SH3BP4: variants seen among roughly 807,000 people sequenced by gnomAD.
SH3BP4 encodes the protein SH3 domain binding protein 4.
SH3BP4 carries 33 observed loss-of-function variants against 65.5 expected under a neutral mutation model. That is an observed-to-expected ratio of 0.50 (90% CI 0.38 to 0.67). The LOEUF (loss-of-function observed/expected upper bound fraction) is 0.67. SH3BP4 is among the 30% of genes least tolerant of loss of function. The pLI is 0.00. For missense variants in SH3BP4, 1,134 were observed against 1,261.4 expected (o/e 0.90, Z 1.53); for synonymous variants, 552 against 545.5 (o/e 1.01, Z -0.17).
At chr2:235,051,357 C>T (rs923040872) in intron 4 of SH3BP4, among the ~76,000 whole-genome samples, 2 of 152,190 alleles carry the variant, frequency 1.3e-5, no homozygotes, top group African/African-American at 4.8e-5. Flanking sequence ...TGACCCCAGC[C>T]TGGGGTCCCC....
intron 3 of SH3BP4, among the ~76,000 whole-genome samples, chr2:235,036,740 A>AAAAAATAATAATAATAATAAT (rs146049108): frequency 2.4e-3 from 336 of 141,772 alleles, no homozygotes; most frequent in Non-Finnish European, 4.2e-3. Flanking sequence ...TCTATATAAA[A>AAAAAATAATAATAATAATAAT]AATAATAATA....
Position 235,038,769 on chromosome 2 carries a change from T to C in SH3BP4, c.119-2119T>C, listed in dbSNP as rs1695541732. On this transcript the variant is annotated intron_variant, in intron 3 of 5. Transcript: ENST00000392011. ...TCCCACTTGAGGGTCTATGACCTGC[T>C]TCAGGGGGCAGGCAGGGAGTCCTGC... is the stretch of plus-strand genomic sequence containing the variant. Among the ~76,000 whole-genome samples, 5 of 152,146 alleles carry C rather than the reference T, an allele frequency of 3.3e-5. No individual in the cohort carries two copies. In the South Asian group the frequency reaches 1.0e-3, roughly 32 times the overall value.
intron 2 of SH3BP4, among the ~76,000 whole-genome samples, chr2:234,999,064 C>G (rs1178975709): frequency 6.6e-6 from 1 of 152,204 alleles, no homozygotes; most frequent in Non-Finnish European, 1.5e-5. Context: ...TCCGCAGGGC[C>G]TCAGTGAATA....
rs568712228 is a variant in SH3BP4, at chr2:235,001,921, C to T, written c.-133+6545C>T. 5.9e-5 allele frequency among the ~76,000 whole-genome samples: 9 copies of T among 152,192 alleles called. No individual in the cohort carries two copies. The South Asian group carries it at 8.3e-4, about 14-fold the overall frequency. On this transcript the variant is annotated intron_variant, in intron 2 of 5. Transcript: ENST00000392011. Reference sequence around the variant, plus strand: ...TGTTGTCCAGGCTGGAGTGCGGTGGCGCAATCTCACCTCACTGCAACCTCC... The same window carrying T: ...TGTTGTCCAGGCTGGAGTGCGGTGGTGCAATCTCACCTCACTGCAACCTCC...
intron 1 of SH3BP4, among the ~76,000 whole-genome samples, chr2:234,963,093 A>G (rs899950278): frequency 2.0e-5 from 3 of 152,206 alleles, no homozygotes; most frequent in African/African-American, 7.2e-5. Flanking sequence ...AATTGTTGAC[A>G]TATTTTCAGA....
chr2:235,042,035 A>AG lies in SH3BP4; in HGVS notation c.1269dup (p.Pro424AlafsTer49), dbSNP rs751436771. 1 of 1,614,062 alleles carries AG rather than the reference A, an allele frequency of 6.2e-7. No homozygotes were observed. Among genetic ancestry groups the AG allele is most frequent in the East Asian group, 2.2e-5 (1 of 44,866 alleles). On this transcript the variant is annotated frameshift_variant, in exon 4 of 6. Transcript: ENST00000392011. LOFTEE classifies it high-confidence loss of function. This position sits in a 1 kb window ranked among gnomAD's most constrained non-coding sequence, Gnocchi z 7.3. ...AGTGCCTGAGGAGCGACTCGAAGGA[A>AG]GGGCCATATGTCTCCGTCCCGCTCA...
chr2:234,991,009 G>A lies in SH3BP4; in HGVS notation c.-206-4294G>A, dbSNP rs141045511. Among the ~76,000 whole-genome samples the A allele has an allele frequency of 5.9e-5, 9 of 152,274 alleles. No homozygotes were observed. Among genetic ancestry groups the A allele is most frequent in the African/African-American group, 2.2e-4 (9 of 41,552 alleles). ...AAAGTCACTGGGTCATATTGGACTGGGGCCCACCCTGGTAATCTCACTTTA... is the reference window on the plus strand; with the variant it reads ...AAAGTCACTGGGTCATATTGGACTGAGGCCCACCCTGGTAATCTCACTTTA... On this transcript the variant is annotated intron_variant, in intron 1 of 5. Coordinates refer to ENST00000392011, the MANE Select transcript of SH3BP4 (RefSeq NM_014521.3). This position sits in a 1 kb window ranked among gnomAD's most constrained non-coding sequence, Gnocchi z 4.2.
chr2:234,999,258 C>A (rs1220627084), intron 2 of SH3BP4, among the ~76,000 whole-genome samples: 1 of 152,190 alleles, frequency 6.6e-6, no homozygotes, highest in Non-Finnish European at 1.5e-5. Flanking sequence ...TTTCTTAAAG[C>A]AAGCATGTTG....
At chr2:234,963,620 A>C (rs1692767113) in intron 1 of SH3BP4, among the ~76,000 whole-genome samples, 1 of 152,230 alleles carries the variant, frequency 6.6e-6, no homozygotes, top group African/African-American at 2.4e-5. Context: ...CCAGCTTCAG[A>C]AGCATTAACA....
intron 2 of SH3BP4, among the ~76,000 whole-genome samples, chr2:235,012,691 G>A (rs185483715): frequency 7.4e-4 from 113 of 152,236 alleles, no homozygotes; most frequent in African/African-American, 2.4e-3. Context: ...CTTACTCCTC[G>A]GAGTGCATTA....
chr2:234,958,766 G>A (rs966883836), intron 1 of SH3BP4, among the ~76,000 whole-genome samples: 10 of 152,104 alleles, frequency 6.6e-5, no homozygotes, highest in Non-Finnish European at 1.5e-4. Flanking sequence ...GAGGATTTAT[G>A]AACGGGAGGA....
chr2:234,966,087 A>G lies in SH3BP4; in HGVS notation c.-207+13917A>G, dbSNP rs528021090. On this transcript the variant is annotated intron_variant, in intron 1 of 5. Transcript: ENST00000392011. ...AAACAAAGTAAACTTCGGGAGAAAGAGGAGAAAGAGGCTGGGCACGGTGGC... is the reference window on the plus strand; with the variant it reads ...AAACAAAGTAAACTTCGGGAGAAAGGGGAGAAAGAGGCTGGGCACGGTGGC... 7.9e-5 allele frequency among the ~76,000 whole-genome samples: 12 copies of G among 152,300 alleles called. No homozygotes were observed. In the South Asian group the frequency reaches 1.7e-3, roughly 21 times the overall value.
intron 1 of SH3BP4, among the ~76,000 whole-genome samples, chr2:234,993,717 G>T (rs1425139414): frequency 6.6e-6 from 1 of 152,150 alleles, no homozygotes; most frequent in Admixed American, 6.5e-5. Flanking sequence ...TGACTCTTTG[G>T]AGAACGAGTA....
At chr2:235,017,738 T>C (rs958487842) in intron 2 of SH3BP4, among the ~76,000 whole-genome samples, 5 of 152,192 alleles carry the variant, frequency 3.3e-5, no homozygotes, top group African/African-American at 1.2e-4. Context: ...CCCTGCTTTT[T>C]CATATGGGTG....
chr2:234,956,685 C>A (rs901372206), intron 1 of SH3BP4, among the ~76,000 whole-genome samples: 2 of 151,696 alleles, frequency 1.3e-5, no homozygotes, highest in African/African-American at 4.8e-5. Flanking sequence ...TCCTGAGTAG[C>A]TGGAACTACA....
intron 2 of SH3BP4, among the ~76,000 whole-genome samples, chr2:235,013,112 C>T (rs533997852): frequency 1.9e-3 from 288 of 152,320 alleles, no homozygotes; most frequent in African/African-American, 6.7e-3. Flanking sequence ...AATCTTGCAT[C>T]AGCAGAGGTG....
At chr2:235,038,384 T>C (rs1161909446) in intron 3 of SH3BP4, among the ~76,000 whole-genome samples, 4 of 16,506 alleles carry the variant, frequency 2.4e-4, no homozygotes, top group African/African-American at 1.1e-3. Flanking sequence ...TACATATATA[T>C]ATATATATAT....
At chr2:234,998,921 C>T (rs1390095814) in intron 2 of SH3BP4, among the ~76,000 whole-genome samples, 1 of 152,186 alleles carries the variant, frequency 6.6e-6, no homozygotes, top group Non-Finnish European at 1.5e-5. Flanking sequence ...ACTGATTCTG[C>T]ACCTGCCAAG....
chr2:234,962,681 G>A (rs1159114031), intron 1 of SH3BP4, among the ~76,000 whole-genome samples: 1 of 151,946 alleles, frequency 6.6e-6, no homozygotes, highest in East Asian at 1.9e-4. Context: ...GAGACAGTGA[G>A]TGGTCTTGCC....
Sources: gnomAD v4.1 joint callset for allele counts (sites outside exome capture counted in the v4.1 genomes callset) on GRCh38, gnomAD v4.1.1 for gene constraint, Gnocchi (gnomAD v3.1) non-coding constraint, MANE v1.5 for transcripts, NCBI Gene and HGNC (gene_info 2026-07-23, HGNC 2026-07-21) for gene names.